ADGRL2: variants seen among roughly 807,000 people sequenced by gnomAD.
ADGRL2 encodes the protein adhesion G protein-coupled receptor L2.
A neutral mutation model predicts 157.4 loss-of-function variants in ADGRL2; 44 were observed. That is an observed-to-expected ratio of 0.28 (90% CI 0.22 to 0.36). The LOEUF is 0.36. ADGRL2 is among the 10% of genes least tolerant of loss of function. The pLI, the probability that ADGRL2 is intolerant of heterozygous loss-of-function variation, is 1.00. For synonymous variants in ADGRL2, 585 were observed against 624.7 expected (o/e 0.94, Z 0.95); for missense variants, 1,510 against 1,768.9 (o/e 0.85, Z 2.63).
rs17107525 is a variant in ADGRL2, at chr1:81,946,665, A to G, written c.1210+2896A>G. On this transcript the variant is annotated intron_variant, in intron 6 of 23. Coordinates refer to ENST00000686636, the MANE Select transcript of ADGRL2 (RefSeq NM_001366006.2). The stretch of plus-strand genomic sequence containing the variant: ...TACACTTCTGTAATACCAGGAAAAA[A>G]TTTTTATAAAGAGAGCCATTTTGTT... 9.2e-3 allele frequency among the ~76,000 whole-genome samples: 1,407 copies of G among 152,190 alleles called. 21 individuals are homozygous for G. Among genetic ancestry groups the G allele is most frequent in the African/African-American group, 0.032 (1,343 of 41,524 alleles).
intron 1 of ADGRL2, among the ~76,000 whole-genome samples, chr1:81,417,971 T>C (rs2077060485): frequency 1.3e-5 from 2 of 152,192 alleles, no homozygotes; most frequent in Non-Finnish European, 2.9e-5. Flanking sequence ...AAAAAATGTA[T>C]TTTAAGGGGC....
intron 3 of ADGRL2, among the ~76,000 whole-genome samples, chr1:81,609,527 A>C (rs1044449973): frequency 6.6e-6 from 1 of 152,198 alleles, no homozygotes; most frequent in East Asian, 1.9e-4. Context: ...AAATTCTGCC[A>C]CACATAAGAA....
chr1:81,521,649 A>T (rs566792572), intron 2 of ADGRL2, among the ~76,000 whole-genome samples: 6 of 152,210 alleles, frequency 3.9e-5, no homozygotes, highest in African/African-American at 1.2e-4. Context: ...GATAAATAGC[A>T]TGTCATTTGA....
chr1:81,695,029 A>G (rs2083414488), upstream of ADGRL2, among the ~76,000 whole-genome samples: 1 of 152,098 alleles, frequency 6.6e-6, no homozygotes, highest in Non-Finnish European at 1.5e-5. Flanking sequence ...TAATATCAAC[A>G]TTCTTCTGGA....
At chr1:81,874,992 C>T (rs1347656506) in intron 2 of ADGRL2, among the ~76,000 whole-genome samples, 2 of 152,126 alleles carry the variant, frequency 1.3e-5, no homozygotes, top group African/African-American at 4.8e-5. Context: ...CTGGTATGAG[C>T]CATCGAACCT....
chr1:81,923,916 G>A (rs1473536748), intron 3 of ADGRL2, among the ~76,000 whole-genome samples: 8 of 152,136 alleles, frequency 5.3e-5, no homozygotes, highest in Non-Finnish European at 7.4e-5. Flanking sequence ...GAAGTTTACC[G>A]TGTAATTCTA....
chr1:81,383,622 C>T (rs2076380074), intron 1 of ADGRL2, among the ~76,000 whole-genome samples: 1 of 150,098 alleles, frequency 6.7e-6, no homozygotes, highest in Non-Finnish European at 1.5e-5. Context: ...CAGTCTTGAC[C>T]AAGTCTTAGG....
At chr1:81,421,344 A>G (rs2077120986) in intron 1 of ADGRL2, among the ~76,000 whole-genome samples, 2 of 152,200 alleles carry the variant, frequency 1.3e-5, no homozygotes, top group African/African-American at 4.8e-5. Flanking sequence ...CTGATTCAAA[A>G]CTAAAATTGT....
chr1:81,858,606 T>A (rs945145970), intron 2 of ADGRL2, among the ~76,000 whole-genome samples: 6 of 152,182 alleles, frequency 3.9e-5, no homozygotes, highest in African/African-American at 1.4e-4. Context: ...GATGTTCAGC[T>A]TCCACCGACT....
Position 81,392,389 on chromosome 1 carries a change from G to T in ADGRL2, c.-301-52647G>T, listed in dbSNP as rs570502816. ...TCCGGTGTAACTTTGCCGCCTTAGGGTCTTTATGGATACTAAGTCTCATCT... is the reference window on the plus strand; with the variant it reads ...TCCGGTGTAACTTTGCCGCCTTAGGTTCTTTATGGATACTAAGTCTCATCT... On this transcript the variant is annotated intron_variant, in intron 1 of 24. Transcript: ENST00000370721. Among the ~76,000 whole-genome samples the T allele has an allele frequency of 3.4e-4, 51 of 152,146 alleles. 1 individual carries two copies. The highest frequency in any genetic ancestry group is 1.2e-3 in the African/African-American group (49 of 41,512).
In ADGRL2 at chr1:81,621,993, C is replaced by G. The variant is rs142979499; in HGVS notation, c.-143+41013C>G. Among the ~76,000 whole-genome samples the G allele has an allele frequency of 3.3e-5, 5 of 152,254 alleles. No individual in the cohort carries two copies. The East Asian group carries it at 5.8e-4, about 18-fold the overall frequency. On this transcript the variant is annotated intron_variant, in intron 3 of 24. Transcript: ENST00000370721. ...TGGTTCCACCGTAGGTTGAAAGCCT[C>G]TCCGTCTTCAGTTATCATTTGAAGT...
At chr1:81,477,041 CCT>C (rs1363185466) in intron 2 of ADGRL2, among the ~76,000 whole-genome samples, 2 of 152,174 alleles carry the variant, frequency 1.3e-5, no homozygotes, top group African/African-American at 4.8e-5. Context: ...TAAAACTTAT[CCT>C]CTCTGTTCAC....
chr1:81,420,533 C>T (rs570381673), intron 1 of ADGRL2, among the ~76,000 whole-genome samples: 7 of 152,270 alleles, frequency 4.6e-5, no homozygotes, highest in East Asian at 1.9e-4. Context: ...ATTTTTCATA[C>T]GTTTTCTGAG....
At chr1:81,549,686 T>A (rs551098331) in intron 2 of ADGRL2, among the ~76,000 whole-genome samples, 1 of 152,168 alleles carries the variant, frequency 6.6e-6, no homozygotes, top group African/African-American at 2.4e-5. Flanking sequence ...AAGCATAACA[T>A]GTAAACAAGA....
intron 1 of ADGRL2, among the ~76,000 whole-genome samples, chr1:81,760,345 A>G (rs2085834134): frequency 1.3e-5 from 2 of 152,128 alleles, no homozygotes; most frequent in Admixed American, 1.3e-4. Flanking sequence ...AAGAAGTGAG[A>G]TAATTAAATC....
At chr1:81,480,584 C>CT (rs746436574) in intron 2 of ADGRL2, among the ~76,000 whole-genome samples, 55 of 152,112 alleles carry the variant, frequency 3.6e-4, no homozygotes, top group Non-Finnish European at 5.9e-5. Flanking sequence ...CAAGATATAG[C>CT]TGACCATATT....
intron 2 of ADGRL2, among the ~76,000 whole-genome samples, chr1:81,854,869 G>T (rs1216164424): frequency 6.6e-6 from 1 of 152,090 alleles, no homozygotes. Context: ...CCGAAGGTGA[G>T]GGGTGACAAA....
upstream of ADGRL2, among the ~76,000 whole-genome samples, chr1:81,696,500 C>A (rs1295054276): frequency 6.6e-6 from 1 of 152,072 alleles, no homozygotes; most frequent in Non-Finnish European, 1.5e-5. Context: ...CGCCTGTAAT[C>A]CCAGCACTTT....
intron 2 of ADGRL2, among the ~76,000 whole-genome samples, chr1:81,900,075 C>T (rs2094459537): frequency 6.6e-6 from 1 of 152,088 alleles, no homozygotes; most frequent in Non-Finnish European, 1.5e-5. Flanking sequence ...AAAACTTAAT[C>T]TTTCTCTGCC....
Sources: gnomAD v4.1 joint callset for allele counts (sites outside exome capture counted in the v4.1 genomes callset) on GRCh38, gnomAD v4.1.1 for gene constraint, MANE v1.5 for transcripts, NCBI Gene and HGNC (gene_info 2026-07-23, HGNC 2026-07-21) for gene names.